The following WFDC10B variants were observed in gnomAD, a reference collection of about 807,000 sequenced individuals.
The protein encoded by WFDC10B is protein WFDC10B.
Under a neutral mutation model 2.7 loss-of-function variants are expected in WFDC10B, and 1 was observed. The observed-to-expected ratio is 0.38, with a 90% confidence interval of 0.13 to 1.79. The LOEUF (loss-of-function observed/expected upper bound fraction) is 1.79, where lower values mean the gene tolerates loss of function less well. Among genes scored for constraint, WFDC10B ranks in the 40% most tolerant of loss-of-function variants. WFDC10B has a pLI of 0.33. For synonymous variants in WFDC10B, 26 were observed against 32.2 expected (o/e 0.81, Z 0.65); for missense variants, 71 against 87.8 (o/e 0.81, Z 0.76).
At chr20:45,701,024 T>A (rs1984137290) in intron 2 of WFDC10B, among the ~76,000 whole-genome samples, 1 of 152,242 alleles carries the variant, frequency 6.6e-6, no homozygotes, top group Non-Finnish European at 1.5e-5. Flanking sequence ...ATAGTATTTG[T>A]AGAAAGTGGG....
intron 2 of WFDC10B, among the ~76,000 whole-genome samples, chr20:45,691,273 G>C (rs1393204273): frequency 1.3e-5 from 2 of 152,120 alleles, no homozygotes; most frequent in Non-Finnish European, 2.9e-5. Flanking sequence ...GTCAATTTTG[G>C]AATAGGTGTG....
chr20:45,704,397 C>A, intron 2 of WFDC10B, 100 bp downstream of exon 2: 1 of 1,581,598 alleles, frequency 6.3e-7, no homozygotes, highest in South Asian at 1.2e-5. Flanking sequence ...CTGAACATTA[C>A]TCCAGCCTGT....
intron 2 of WFDC10B, 105 bp from the exon 3 acceptor site, chr20:45,686,161 TCTC>T (rs997611796): frequency 7.4e-7 from 1 of 1,360,318 alleles, no homozygotes; most frequent in African/African-American, 1.5e-5. Flanking sequence ...GCCCTTGCCT[TCTC>T]CTGGCCCTGT....
intron 2 of WFDC10B, among the ~76,000 whole-genome samples, chr20:45,697,031 G>T (rs1329480707): frequency 6.6e-6 from 1 of 152,054 alleles, no homozygotes; most frequent in Non-Finnish European, 1.5e-5. Flanking sequence ...AATTGCAAAA[G>T]ATCAAAATCT....
At chr20:45,686,670 CT>C (rs533781458) in intron 2 of WFDC10B, among the ~76,000 whole-genome samples, 4,765 of 143,114 alleles carry the variant, frequency 0.033, 71 homozygotes, top group Middle Eastern at 0.082. Flanking sequence ...ATAAATTCTT[CT>C]TTTTTTTTTT....
chr20:45,684,680 CAG>C lies in WFDC10B; in HGVS notation c.*148_*149del. The C allele has an allele frequency of 1.9e-6, 2 of 1,046,384 alleles. No homozygotes were observed. Among genetic ancestry groups the C allele is most frequent in the Non-Finnish European group, 2.7e-6 (2 of 728,076 alleles). 64.8% of individuals were successfully genotyped at this position (1,046,384 alleles called of 1,614,324 possible). A position where few individuals can be genotyped will look rare whatever the true frequency, so the allele number is the denominator to read the frequency against. ...TGGGCATTTGTTCTGGTTTATTTGA[CAG>C]GGACAGGGAGTTCAGACACTGGGGA... is the stretch of plus-strand genomic sequence containing the variant. On this transcript the variant is annotated 3_prime_UTR_variant, in exon 4 of 4. Coordinates refer to ENST00000330523, the MANE Select transcript of WFDC10B (RefSeq NM_172006.2).
chr20:45,690,705 T>C (rs549102183), intron 2 of WFDC10B, among the ~76,000 whole-genome samples: 1 of 152,234 alleles, frequency 6.6e-6, no homozygotes, highest in Non-Finnish European at 1.5e-5. Context: ...TCATTTTTTA[T>C]TGCATCTATT....
chr20:45,694,746 G>A (rs571806904), intron 2 of WFDC10B, among the ~76,000 whole-genome samples: 2 of 152,296 alleles, frequency 1.3e-5, no homozygotes, highest in Admixed American at 1.3e-4. Flanking sequence ...TGCTAATGAG[G>A]TTACTTGGAG....
intron 2 of WFDC10B, among the ~76,000 whole-genome samples, chr20:45,702,684 C>T (rs1984214427): frequency 6.6e-6 from 1 of 152,180 alleles, no homozygotes; most frequent in Non-Finnish European, 1.5e-5. Context: ...GAAAGGAAGT[C>T]TTGCCTTTTA....
In WFDC10B at chr20:45,687,863, A is replaced by T. The variant is rs931514645; in HGVS notation, c.-64-1807T>A. On this transcript the variant is annotated intron_variant, in intron 2 of 3. Transcript: ENST00000330523. ...AATGGGATTGCTTGTCTTTTCTTTTATTATTATTATTATTATTATTATTAT... is the reference window on the plus strand; with the variant it reads ...AATGGGATTGCTTGTCTTTTCTTTTTTTATTATTATTATTATTATTATTAT... Among the ~76,000 whole-genome samples the T allele has an allele frequency of 1.7e-4, 22 of 133,084 alleles. No homozygotes were observed. In the East Asian group the frequency reaches 2.6e-3, roughly 16 times the overall value. 87.3% of individuals were successfully genotyped at this position (133,084 alleles called of 152,430 possible). A position where few individuals can be genotyped will look rare whatever the true frequency, so the allele number is the denominator to read the frequency against.
chr20:45,704,318 C>T, intron 2 of WFDC10B, 179 bp downstream of exon 2: 3 of 1,312,130 alleles, frequency 2.3e-6, no homozygotes, highest in African/African-American at 1.5e-5. Flanking sequence ...CCTGATGCCA[C>T]CACCCTGGAA....
intron 2 of WFDC10B, among the ~76,000 whole-genome samples, chr20:45,694,863 G>A (rs940265363): frequency 3.9e-5 from 6 of 152,170 alleles, no homozygotes; most frequent in Admixed American, 6.5e-5. Context: ...AGTTAAAGAA[G>A]GAAGGAGTTG....
chr20:45,689,319 T>C (rs1217405172), intron 2 of WFDC10B, among the ~76,000 whole-genome samples: 1 of 151,822 alleles, frequency 6.6e-6, no homozygotes, highest in East Asian at 1.9e-4. Context: ...GACTTGGCGA[T>C]GTGGGCTCTT....
Position 45,684,686 on chromosome 20 carries a change from C to A in WFDC10B, c.*144G>T. The A allele has an allele frequency of 9.0e-7, 1 of 1,107,234 alleles. No individual in the cohort carries two copies. Among genetic ancestry groups the A allele is most frequent in the Non-Finnish European group, 1.3e-6 (1 of 771,988 alleles). The allele number at this position is 1,107,234 out of a possible 1,614,324, so 68.6% of individuals were successfully genotyped here. ...TTTGTTCTGGTTTATTTGACAGGGA[C>A]AGGGAGTTCAGACACTGGGGAGGGT... is the stretch of plus-strand genomic sequence containing the variant. On this transcript the variant is annotated 3_prime_UTR_variant, in exon 4 of 4. Coordinates refer to ENST00000330523, the MANE Select transcript of WFDC10B (RefSeq NM_172006.2).
intron 2 of WFDC10B, chr20:45,702,139 C>T: frequency 6.2e-7 from 1 of 1,613,292 alleles, no homozygotes; most frequent in Non-Finnish European, 8.5e-7. Context: ...GCCTGTGCTG[C>T]CTCTCCAGTT....
intron 2 of WFDC10B, among the ~76,000 whole-genome samples, chr20:45,696,884 C>G (rs1409367298): frequency 6.6e-6 from 1 of 151,990 alleles, no homozygotes; most frequent in Non-Finnish European, 1.5e-5. Flanking sequence ...CCAATCTTAA[C>G]TGATACAGAA....
intron 2 of WFDC10B, among the ~76,000 whole-genome samples, chr20:45,696,285 C>CAAAAAAAAAAAAAAAAAA (rs368423161): frequency 2.1e-5 from 1 of 48,206 alleles, no homozygotes; most frequent in African/African-American, 7.6e-5. Context: ...GACTCCGTCT[C>CAAAAAAAAAAAAAAAAAA]AAAAAAAAAA....
rs115378768 is a variant in WFDC10B, at chr20:45,703,947, C to T, written c.-65+550G>A. On this transcript the variant is annotated intron_variant, in intron 2 of 3. Coordinates refer to ENST00000330523, the MANE Select transcript of WFDC10B (RefSeq NM_172006.2). ...CTGATCCAGTACCTTCAGTTTAATGCATGGTCTTCATCCTTTACCAAAACT... is the reference window on the plus strand; with the variant it reads ...CTGATCCAGTACCTTCAGTTTAATGTATGGTCTTCATCCTTTACCAAAACT... 3.7e-3 allele frequency among the ~76,000 whole-genome samples: 560 copies of T among 152,288 alleles called. 4 individuals are homozygous for T. The highest frequency in any genetic ancestry group is 0.012 in the African/African-American group (480 of 41,562).
chr20:45,700,095 C>T (rs1348120141), intron 2 of WFDC10B, among the ~76,000 whole-genome samples: 1 of 152,132 alleles, frequency 6.6e-6, no homozygotes, highest in Non-Finnish European at 1.5e-5. Flanking sequence ...ATAGCAAAAT[C>T]TTGGAAACTA....
Sources: gnomAD v4.1 joint callset for allele counts (sites outside exome capture counted in the v4.1 genomes callset) on GRCh38, gnomAD v4.1.1 for gene constraint, MANE v1.5 for transcripts, NCBI Gene and HGNC (gene_info 2026-07-23, HGNC 2026-07-21) for gene names.